The following SPAG16 variants were observed in gnomAD, a reference collection of about 807,000 sequenced individuals.
The protein encoded by SPAG16 is sperm-associated antigen 16 protein.
In SPAG16, 86 loss-of-function variants were observed where a neutral mutation model predicts 80.4. The ratio of observed to expected loss-of-function variants is 1.07; its 90% CI spans 0.90 to 1.28. The LOEUF (loss-of-function observed/expected upper bound fraction) is 1.28, where lower values mean the gene tolerates loss of function less well. SPAG16 is among the 50% of genes most tolerant of loss of function. SPAG16 has a pLI of 0.00. For synonymous variants in SPAG16, 294 were observed against 265.9 expected (o/e 1.11, Z -1.03); for missense variants, 870 against 765.3 (o/e 1.14, Z -1.61).
chr2:213,738,686 G>A (rs1257088159), intron 10 of SPAG16, among the ~76,000 whole-genome samples: 3 of 152,132 alleles, frequency 2.0e-5, no homozygotes, highest in Non-Finnish European at 4.4e-5. Context: ...TGTCAGTTTA[G>A]CATAGTTAAA....
At chr2:213,370,922 A>C (rs2066593211) in intron 8 of SPAG16, among the ~76,000 whole-genome samples, 2 of 152,214 alleles carry the variant, frequency 1.3e-5, no homozygotes, top group African/African-American at 4.8e-5. Context: ...ATGTATCCCA[A>C]CTATCTAATC....
chr2:214,071,597 A>G (rs912312811), intron 13 of SPAG16, among the ~76,000 whole-genome samples: 3 of 152,134 alleles, frequency 2.0e-5, no homozygotes, highest in Non-Finnish European at 4.4e-5. Context: ...CCAACATAAA[A>G]TTGGGAGTTA....
intron 1 of SPAG16, among the ~76,000 whole-genome samples, chr2:213,290,180 A>T (rs992383697): frequency 6.6e-6 from 1 of 152,244 alleles, no homozygotes; most frequent in African/African-American, 2.4e-5. Context: ...CTAGTGCAGA[A>T]ACTATGAGAT....
At chr2:213,528,308 G>A (rs1262543053) in intron 10 of SPAG16, among the ~76,000 whole-genome samples, 2 of 151,984 alleles carry the variant, frequency 1.3e-5, no homozygotes, top group Admixed American at 6.6e-5. Context: ...TTTGGCAGGG[G>A]GTGGGGGTAA....
intron 12 of SPAG16, among the ~76,000 whole-genome samples, chr2:213,937,236 G>A (rs572897591): frequency 6.6e-6 from 1 of 152,072 alleles, no homozygotes; most frequent in African/African-American, 2.4e-5. Flanking sequence ...AGGATATATT[G>A]TATAATATTA....
chr2:214,037,934 GC>G (rs977581496), intron 13 of SPAG16, among the ~76,000 whole-genome samples: 2 of 134,724 alleles, frequency 1.5e-5, no homozygotes, highest in African/African-American at 5.5e-5. Context: ...TTTCTATTTA[GC>G]CTTTCTGAAT....
chr2:213,532,205 T>C (rs1559227094), intron 10 of SPAG16, among the ~76,000 whole-genome samples: 1 of 152,218 alleles, frequency 6.6e-6, no homozygotes, highest in Non-Finnish European at 1.5e-5. Context: ...TTACTGGATA[T>C]GATTTCTTTT....
chr2:214,154,505 C>A (rs890798115), intron 15 of SPAG16, among the ~76,000 whole-genome samples: 1 of 142,064 alleles, frequency 7.0e-6, no homozygotes, highest in African/African-American at 2.6e-5. Flanking sequence ...CAGACCCCCC[C>A]CCCCCATTTT....
chr2:213,797,004 C>A (rs1274801966), intron 10 of SPAG16, among the ~76,000 whole-genome samples: 1 of 150,594 alleles, frequency 6.6e-6, no homozygotes, highest in African/African-American at 2.4e-5. Context: ...GCTGTGTAGG[C>A]CTGAGCTAAT....
intron 15 of SPAG16, among the ~76,000 whole-genome samples, chr2:214,318,999 A>G (rs1284117609): frequency 6.6e-6 from 1 of 152,140 alleles, no homozygotes; most frequent in East Asian, 1.9e-4. Context: ...CTTTCTCATT[A>G]TGCTGCTAGA....
chr2:214,143,857 A>G (rs536150122), intron 14 of SPAG16, among the ~76,000 whole-genome samples: 174 of 152,246 alleles, frequency 1.1e-3, no homozygotes, highest in African/African-American at 4.0e-3. Context: ...TACCAGTGAC[A>G]TATTTTAAAG....
intron 9 of SPAG16, among the ~76,000 whole-genome samples, chr2:213,429,457 A>G (rs1356992999): frequency 1.3e-5 from 2 of 152,200 alleles, no homozygotes; most frequent in East Asian, 3.8e-4. Context: ...TTTCTGATTG[A>G]AAAAGATCAA....
At chr2:214,276,966 T>C (rs565508351) in intron 15 of SPAG16, among the ~76,000 whole-genome samples, 1 of 152,300 alleles carries the variant, frequency 6.6e-6, no homozygotes, top group East Asian at 1.9e-4. Context: ...CATAGTCCCA[T>C]ATTTCTCGGA....
intron 15 of SPAG16, among the ~76,000 whole-genome samples, chr2:214,199,955 C>G (rs998030494): frequency 1.3e-5 from 2 of 152,056 alleles, no homozygotes; most frequent in Admixed American, 1.3e-4. Flanking sequence ...GATTTTGTAT[C>G]CTGAGACTTT....
intron 15 of SPAG16, among the ~76,000 whole-genome samples, chr2:214,400,152 G>A (rs1338434767): frequency 6.6e-6 from 1 of 151,956 alleles, no homozygotes; most frequent in Non-Finnish European, 1.5e-5. Context: ...CCTAATAGGG[G>A]GGAAATATTT....
intron 10 of SPAG16, among the ~76,000 whole-genome samples, chr2:213,776,407 A>T (rs2069577005): frequency 6.6e-6 from 1 of 152,206 alleles, no homozygotes; most frequent in African/African-American, 2.4e-5. Context: ...TCTCCACCAG[A>T]GCACTCAGAA....
At chr2:213,797,885 G>A (rs974134345) in intron 10 of SPAG16, among the ~76,000 whole-genome samples, 2 of 152,220 alleles carry the variant, frequency 1.3e-5, no homozygotes, top group South Asian at 2.1e-4. Context: ...TAGCATATGA[G>A]AAACTGGCAG....
intron 10 of SPAG16, among the ~76,000 whole-genome samples, chr2:213,629,245 A>C (rs1009770766): frequency 6.6e-6 from 1 of 152,198 alleles, no homozygotes; most frequent in East Asian, 1.9e-4. Context: ...TAAGAGCAAT[A>C]AAGTGGTCAG....
chr2:214,238,564 A>G (rs995513224), intron 15 of SPAG16: 3 of 151,896 alleles, frequency 2.0e-5, no homozygotes, highest in African/African-American at 7.3e-5. Flanking sequence ...AACTAGTAAT[A>G]TATGCTGAAG....
Sources: allele counts gnomAD v4.1 joint callset (sites outside exome capture counted in the v4.1 genomes callset), GRCh38; gene constraint gnomAD v4.1.1; transcripts MANE v1.5; gene names NCBI Gene and HGNC (gene_info 2026-07-23, HGNC 2026-07-21).